Variants in BTBD9 observed in about 807,000 individuals in gnomAD.
The protein encoded by BTBD9 is BTB domain containing 9, also known as BTB/POZ domain-containing protein 9.
BTBD9 carries 49 observed loss-of-function variants against 64.3 expected under a neutral mutation model. The ratio of observed to expected loss-of-function variants is 0.76; its 90% CI spans 0.61 to 0.97. The LOEUF (loss-of-function observed/expected upper bound fraction) is 0.97, where lower values mean the gene tolerates loss of function less well. BTBD9 is among the 50% of genes least tolerant of loss of function. BTBD9 has a pLI of 0.00. For missense variants in BTBD9, 598 were observed against 762.1 expected, an observed-to-expected ratio of 0.78 and a Z score of 2.53; for synonymous variants, 260 against 274.7, an observed-to-expected ratio of 0.95 and a Z score of 0.53.
intron 9 of BTBD9, among the ~76,000 whole-genome samples, chr6:38,255,461 G>A (rs1194570580): frequency 6.6e-6 from 1 of 152,164 alleles, no homozygotes; most frequent in Non-Finnish European, 1.5e-5. Context: ...AATAAAAAGA[G>A]AAACGCATTT....
intron 8 of BTBD9, among the ~76,000 whole-genome samples, chr6:38,281,466 TA>T (rs1308858451): frequency 6.6e-6 from 1 of 152,242 alleles, no homozygotes; most frequent in Admixed American, 6.5e-5. Context: ...ATCAACTTGC[TA>T]TTACTTCTTT....
At chr6:38,285,155 C>T (rs1761680996) in intron 8 of BTBD9, among the ~76,000 whole-genome samples, 2 of 151,824 alleles carry the variant, frequency 1.3e-5, no homozygotes, top group African/African-American at 4.8e-5. Flanking sequence ...GTGGGAGGGA[C>T]GGTTGTGGGT....
chr6:38,409,088 A>G (rs1562142884), intron 6 of BTBD9, among the ~76,000 whole-genome samples: 1 of 152,174 alleles, frequency 6.6e-6, no homozygotes, highest in Non-Finnish European at 1.5e-5. Flanking sequence ...TGTCTTCACT[A>G]AAAATACAAA....
chr6:38,372,784 A>G (rs1360051277), intron 6 of BTBD9, among the ~76,000 whole-genome samples: 1 of 152,068 alleles, frequency 6.6e-6, no homozygotes, highest in Admixed American at 6.6e-5. Context: ...ATCTGACACA[A>G]TTTCTACCTC....
chr6:38,209,513 G>A (rs1051989906), intron 9 of BTBD9, among the ~76,000 whole-genome samples: 6 of 152,164 alleles, frequency 3.9e-5, no homozygotes, highest in South Asian at 2.1e-4. Flanking sequence ...TAGCTGGACC[G>A]GTGGGTCTTA....
At chr6:38,418,268 C>T (rs1375258446) in intron 6 of BTBD9, among the ~76,000 whole-genome samples, 1 of 152,134 alleles carries the variant, frequency 6.6e-6, no homozygotes, top group African/African-American at 2.4e-5. Flanking sequence ...GCACAACTAC[C>T]GTGTAAATGT....
chr6:38,309,588 T>C (rs929742843), intron 7 of BTBD9, among the ~76,000 whole-genome samples: 1 of 151,796 alleles, frequency 6.6e-6, no homozygotes, highest in African/African-American at 2.4e-5. Context: ...AACTTTTGTA[T>C]TTTTAGTAGA....
At chr6:38,223,661 C>G (rs1376426464) in intron 9 of BTBD9, among the ~76,000 whole-genome samples, 2 of 152,256 alleles carry the variant, frequency 1.3e-5, no homozygotes, top group African/African-American at 4.8e-5. Flanking sequence ...AACATCAGTC[C>G]TCTTCCTCTC....
At chr6:38,511,059 A>G (rs543779620) in intron 6 of BTBD9, among the ~76,000 whole-genome samples, 1 of 152,302 alleles carries the variant, frequency 6.6e-6, no homozygotes, top group East Asian at 1.9e-4. Flanking sequence ...AACGTGTAAT[A>G]CTACAATGTT....
At chr6:38,624,877 A>C (rs1318322999) in intron 1 of BTBD9, among the ~76,000 whole-genome samples, 1 of 152,196 alleles carries the variant, frequency 6.6e-6, no homozygotes, top group African/African-American at 2.4e-5. Context: ...CCAATTTAGG[A>C]GAATAGTTAA....
intron 6 of BTBD9, among the ~76,000 whole-genome samples, chr6:38,497,255 C>T (rs1056353904): frequency 1.1e-4 from 17 of 151,956 alleles, no homozygotes; most frequent in African/African-American, 4.1e-4. Flanking sequence ...TCTCAAAATG[C>T]ACACAGGGAG....
chr6:38,424,815 C>T (rs1464315962), intron 6 of BTBD9, among the ~76,000 whole-genome samples: 1 of 151,212 alleles, frequency 6.6e-6, no homozygotes, highest in East Asian at 2.0e-4. Context: ...CCACACCCAG[C>T]CTATTTATCT....
At chr6:38,445,921 G>A (rs941111257) in intron 6 of BTBD9, among the ~76,000 whole-genome samples, 2 of 152,148 alleles carry the variant, frequency 1.3e-5, no homozygotes, top group Non-Finnish European at 2.9e-5. Context: ...AAGTACTGCT[G>A]AAAAGGAAAA....
At chr6:38,470,937 G>A (rs937790908) in intron 6 of BTBD9, among the ~76,000 whole-genome samples, 5 of 152,130 alleles carry the variant, frequency 3.3e-5, no homozygotes, top group Admixed American at 1.3e-4. Flanking sequence ...TGCACTGAAC[G>A]AAGTAGTAAA....
intron 6 of BTBD9, among the ~76,000 whole-genome samples, chr6:38,547,886 T>C (rs1774619652): frequency 6.6e-6 from 1 of 152,224 alleles, no homozygotes; most frequent in African/African-American, 2.4e-5. Flanking sequence ...GGACTTTTTC[T>C]GTCTTATTAA....
At chr6:38,217,786 T>A (rs1763061585) in intron 9 of BTBD9, among the ~76,000 whole-genome samples, 1 of 151,974 alleles carries the variant, frequency 6.6e-6, no homozygotes, top group African/African-American at 2.4e-5. Flanking sequence ...GCAAATCACT[T>A]GATCACTTGA....
chr6:38,405,631 C>A (rs1767129213), intron 6 of BTBD9, among the ~76,000 whole-genome samples: 1 of 151,696 alleles, frequency 6.6e-6, no homozygotes, highest in Non-Finnish European at 1.5e-5. Context: ...TAACACCCAG[C>A]TAGTGTTACA....
At chr6:38,350,920 C>T (rs1400490103) in intron 6 of BTBD9, among the ~76,000 whole-genome samples, 1 of 152,198 alleles carries the variant, frequency 6.6e-6, no homozygotes, top group Non-Finnish European at 1.5e-5. Flanking sequence ...AATTCTCTAA[C>T]CCAAGAAGCA....
At chr6:38,332,166 TC>T (rs1418129469) in intron 7 of BTBD9, among the ~76,000 whole-genome samples, 5 of 152,242 alleles carry the variant, frequency 3.3e-5, no homozygotes, top group Non-Finnish European at 7.3e-5. Flanking sequence ...AATTATTTTT[TC>T]CCAGTTTGTC....
Sources: allele counts gnomAD v4.1 joint callset (sites outside exome capture counted in the v4.1 genomes callset), GRCh38; gene constraint gnomAD v4.1.1; transcripts MANE v1.5; gene names NCBI Gene and HGNC (gene_info 2026-07-23, HGNC 2026-07-21).